The following PSD3 variants were observed in gnomAD, a reference collection of about 807,000 sequenced individuals.
PSD3 encodes PH and SEC7 domain-containing protein 3.
Under a neutral mutation model 105.5 loss-of-function variants are expected in PSD3, and 49 were observed. That is an observed-to-expected ratio of 0.46 (90% CI 0.37 to 0.59). PSD3 has a LOEUF of 0.59. PSD3 is among the 20% of genes least tolerant of loss of function. The pLI is 0.00. For missense variants in PSD3, 1,561 were observed against 1,263.8 expected (o/e 1.24, Z -3.57); for synonymous variants, 557 against 457.8 (o/e 1.22, Z -2.77).
Position 18,560,799 on chromosome 8 carries a change from G to A in PSD3, c.2785-4447C>T, listed in dbSNP as rs1424786380. On this transcript the variant is annotated intron_variant, in intron 14 of 15. Transcript: ENST00000327040. Reference sequence around the variant, plus strand: ...AAAAATGGGCAAAGGACTTTGCTATGGTTTCATTGTATCCCCTTCAAACTT... The same window carrying A: ...AAAAATGGGCAAAGGACTTTGCTATAGTTTCATTGTATCCCCTTCAAACTT... Among the ~76,000 whole-genome samples, 3 of 152,150 alleles carry A rather than the reference G, an allele frequency of 2.0e-5. 1 individual carries two copies. In the South Asian group the frequency reaches 6.2e-4, roughly 32 times the overall value.
chr8:18,982,983 G>A (rs1277827851), intron 1 of PSD3, among the ~76,000 whole-genome samples: 8 of 152,160 alleles, frequency 5.3e-5, no homozygotes, highest in African/African-American at 1.7e-4. Flanking sequence ...AGTTCCAGAC[G>A]GCATCTTTTC....
chr8:18,973,813 A>T (rs1290225777), intron 1 of PSD3, among the ~76,000 whole-genome samples: 1 of 152,234 alleles, frequency 6.6e-6, no homozygotes, highest in Non-Finnish European at 1.5e-5. Context: ...TGTTATTATT[A>T]AACTATAGAA....
chr8:18,546,884 T>C (rs1255731188), intron 15 of PSD3, among the ~76,000 whole-genome samples: 1 of 152,212 alleles, frequency 6.6e-6, no homozygotes, highest in Non-Finnish European at 1.5e-5. Flanking sequence ...GCACAGGCTA[T>C]AACTGCTCCA....
At chr8:19,050,742 C>T (rs62495950) in intron 1 of PSD3, among the ~76,000 whole-genome samples, 1,929 of 152,020 alleles carry the variant, frequency 0.013, 24 homozygotes, top group Admixed American at 0.02. Flanking sequence ...TGCTAATTGA[C>T]GAGTTAATGG....
At chr8:18,887,151 C>T (rs1463116501) in intron 2 of PSD3, 2 of 152,104 alleles carry the variant, frequency 1.3e-5, no homozygotes, top group Non-Finnish European at 2.9e-5. Flanking sequence ...GCAAGAATGA[C>T]ACATGGGAAA....
At chr8:18,722,846 T>C (rs1471974474) in intron 9 of PSD3, among the ~76,000 whole-genome samples, 4 of 152,194 alleles carry the variant, frequency 2.6e-5, no homozygotes, top group African/African-American at 9.7e-5. Flanking sequence ...GAGTACAATA[T>C]GCCCTCCAAA....
chr8:18,860,154 C>T lies in PSD3; in HGVS notation c.1634+7520G>A, dbSNP rs184412587. 5.9e-5 allele frequency among the ~76,000 whole-genome samples: 9 copies of T among 152,024 alleles called. No homozygotes were observed. The South Asian group carries it at 1.7e-3, about 28-fold the overall frequency. ...GTGTGTCTCAGGCAATAGGGAGGCCCGAGAAGAGGGAGAGAGAGGGGGAAC... is the reference window on the plus strand; with the variant it reads ...GTGTGTCTCAGGCAATAGGGAGGCCTGAGAAGAGGGAGAGAGAGGGGGAAC... On this transcript the variant is annotated intron_variant, in intron 4 of 15. Transcript: ENST00000327040.
intron 9 of PSD3, among the ~76,000 whole-genome samples, chr8:18,742,946 T>G (rs1804693525): frequency 6.6e-6 from 1 of 152,182 alleles, no homozygotes; most frequent in African/African-American, 2.4e-5. Context: ...TTTAAGTGGC[T>G]GAGAGCACAG....
intron 2 of PSD3, among the ~76,000 whole-genome samples, chr8:18,933,566 C>G (rs138866848): frequency 6.6e-6 from 1 of 152,180 alleles, no homozygotes; most frequent in African/African-American, 2.4e-5. Context: ...CTCCTGGGCT[C>G]AAACGATTCT....
At chr8:18,777,032 A>C (rs941707044) in intron 8 of PSD3, among the ~76,000 whole-genome samples, 4 of 151,828 alleles carry the variant, frequency 2.6e-5, no homozygotes, top group African/African-American at 9.7e-5. Context: ...ACTAGCAAAA[A>C]GTTTGTCAAT....
chr8:18,545,756 G>A (rs1800417878), intron 15 of PSD3, among the ~76,000 whole-genome samples: 1 of 152,152 alleles, frequency 6.6e-6, no homozygotes, highest in South Asian at 2.1e-4. Flanking sequence ...ATTCCCCGAA[G>A]TCATACCGGG....
chr8:18,666,625 C>T (rs1563156056), intron 9 of PSD3, among the ~76,000 whole-genome samples: 1 of 151,706 alleles, frequency 6.6e-6, no homozygotes, highest in Non-Finnish European at 1.5e-5. Flanking sequence ...GGGAGAGACT[C>T]CGGGGGTTTG....
chr8:19,071,435 C>T (rs1310386820), intron 1 of PSD3, among the ~76,000 whole-genome samples: 2 of 151,996 alleles, frequency 1.3e-5, no homozygotes, highest in Admixed American at 6.6e-5. Flanking sequence ...CCTCTTCTGC[C>T]CTGTTTATGG....
At chr8:18,577,305 T>C (rs532184800) in intron 12 of PSD3, among the ~76,000 whole-genome samples, 1 of 152,148 alleles carries the variant, frequency 6.6e-6, no homozygotes, top group South Asian at 2.1e-4. Context: ...TTTGGTAAGG[T>C]TTTTCTTGTG....
At chr8:18,936,974 C>G (rs999456242) in intron 1 of PSD3, among the ~76,000 whole-genome samples, 8 of 152,108 alleles carry the variant, frequency 5.3e-5, no homozygotes, top group African/African-American at 1.7e-4. Flanking sequence ...GCCAGGCATC[C>G]CATTTATACT....
At chr8:18,593,148 C>T (rs2130510107) in intron 12 of PSD3, among the ~76,000 whole-genome samples, 1 of 152,210 alleles carries the variant, frequency 6.6e-6, no homozygotes, top group African/African-American at 2.4e-5. Context: ...TAAAGAGCTT[C>T]TGCACAGCAA....
chr8:18,971,640 C>T (rs774613146), intron 1 of PSD3, among the ~76,000 whole-genome samples: 10 of 152,086 alleles, frequency 6.6e-5, no homozygotes, highest in Non-Finnish European at 1.0e-4. Flanking sequence ...GGGGACCTGG[C>T]ACATAAAAAG....
rs1341380845 is a variant in PSD3 at position 18,838,158 on chromosome 8, T to G, written c.1634+29516A>C. Among the ~76,000 whole-genome samples, 3 of 152,368 alleles carry G rather than the reference T, an allele frequency of 2.0e-5. No homozygotes were observed. The East Asian group carries it at 5.8e-4, about 29-fold the overall frequency. On this transcript the variant is annotated intron_variant, in intron 4 of 15. Coordinates refer to ENST00000327040, the MANE Select transcript of PSD3 (RefSeq NM_015310.4). ...CCATCTGACACAGCTCATACTGTAT[T>G]CACCTTACAACCCTGAGTGGGACTT...
chr8:19,080,960 T>C (rs367960271), intron 1 of PSD3, among the ~76,000 whole-genome samples: 1 of 152,198 alleles, frequency 6.6e-6, no homozygotes, highest in African/African-American at 2.4e-5. Context: ...GAAACGATGA[T>C]AGAGAAAGCT....
Sources: allele counts gnomAD v4.1 joint callset (sites outside exome capture counted in the v4.1 genomes callset), GRCh38; gene constraint gnomAD v4.1.1; transcripts MANE v1.5; gene names NCBI Gene and HGNC (gene_info 2026-07-23, HGNC 2026-07-21).